GRB14: variants seen among roughly 807,000 people sequenced by gnomAD.
GRB14 encodes the protein growth factor receptor bound protein 14, also known as growth factor receptor-bound protein 14.
A neutral mutation model predicts 69.1 loss-of-function variants in GRB14; 38 were observed. The observed-to-expected ratio is 0.55, with a 90% CI of 0.42 to 0.72. The LOEUF (loss-of-function observed/expected upper bound fraction) is 0.72, where lower values mean the gene tolerates loss of function less well. GRB14 is among the 30% of genes least tolerant of loss of function. The pLI, the probability that GRB14 is intolerant of heterozygous loss-of-function variation, is 0.00. For missense variants in GRB14, 666 were observed against 666.1 expected, an observed-to-expected ratio of 1.00 and a Z score of 0.00; for synonymous variants, 247 against 241.3, an observed-to-expected ratio of 1.02 and a Z score of -0.22.
chr2:164,514,953 T>C (rs1369768291), intron 6 of GRB14, among the ~76,000 whole-genome samples: 1 of 152,120 alleles, frequency 6.6e-6, no homozygotes, highest in Non-Finnish European at 1.5e-5. Context: ...ACCACTTCTC[T>C]GGTAACCTGT....
At chr2:164,497,708 G>C (rs905534248) in intron 9 of GRB14, among the ~76,000 whole-genome samples, 9 of 152,070 alleles carry the variant, frequency 5.9e-5, no homozygotes, top group Non-Finnish European at 1.2e-4. Context: ...TGTTAAAAAA[G>C]CTAAATAGTA....
At chr2:164,533,818 C>T (rs577159666) in intron 3 of GRB14, among the ~76,000 whole-genome samples, 24 of 152,148 alleles carry the variant, frequency 1.6e-4, no homozygotes, top group African/African-American at 5.1e-4. Flanking sequence ...AAAGAACTAG[C>T]GTAATGTGTA....
chr2:164,492,905 C>G lies in GRB14; in HGVS notation c.*131G>C. On this transcript the variant is annotated 3_prime_UTR_variant, in exon 14 of 14. Coordinates refer to ENST00000263915, the MANE Select transcript of GRB14 (RefSeq NM_004490.3). Reference sequence around the variant, plus strand: ...TCTTTGCTTATTTGCAATGCACAAACTATTTTTTTGTAACTTGCAGGTGAA... The same window carrying G: ...TCTTTGCTTATTTGCAATGCACAAAGTATTTTTTTGTAACTTGCAGGTGAA... 1.3e-6 allele frequency: 1 copy of G among 756,084 alleles called. No individual in the cohort carries two copies. Among genetic ancestry groups the G allele is most frequent in the Non-Finnish European group, 2.0e-6 (1 of 491,840 alleles). The allele number at this position is 756,084 out of a possible 1,614,324, so 46.8% of individuals were successfully genotyped here.
chr2:164,525,649 C>G (rs779570211), intron 4 of GRB14, among the ~76,000 whole-genome samples: 1 of 151,966 alleles, frequency 6.6e-6, no homozygotes, highest in African/African-American at 2.4e-5. Flanking sequence ...TCAGTAGATC[C>G]GGGCAAGTCC....
chr2:164,496,250 T>C (rs1686890430), intron 12 of GRB14, among the ~76,000 whole-genome samples: 1 of 152,220 alleles, frequency 6.6e-6, no homozygotes, highest in East Asian at 1.9e-4. Context: ...AAATTGATAA[T>C]GATTTCATTA....
chr2:164,581,948 T>C (rs1689416991), intron 2 of GRB14, among the ~76,000 whole-genome samples: 1 of 152,222 alleles, frequency 6.6e-6, no homozygotes, highest in African/African-American at 2.4e-5. Context: ...ATTCTACTTG[T>C]CCTTCAGCAT....
chr2:164,615,054 T>C (rs1315020731), intron 2 of GRB14, among the ~76,000 whole-genome samples: 2 of 152,120 alleles, frequency 1.3e-5, no homozygotes, highest in Non-Finnish European at 1.5e-5. Flanking sequence ...AGAAACAGTG[T>C]GGTAAGGGAC....
chr2:164,547,549 G>T (rs1688411410), intron 3 of GRB14, 111 bp downstream of exon 3: 2 of 813,668 alleles, frequency 2.5e-6, no homozygotes, highest in African/African-American at 1.7e-5. Context: ...TCACCTACAA[G>T]ATATAGAAAA....
At chr2:164,514,142 T>C (rs1470854511) in intron 6 of GRB14, among the ~76,000 whole-genome samples, 1 of 152,172 alleles carries the variant, frequency 6.6e-6, no homozygotes, top group Non-Finnish European at 1.5e-5. Context: ...GAATTTACAA[T>C]GTATGTAAGG....
chr2:164,508,439 C>T lies in GRB14; in HGVS notation c.1023+16G>A. The stretch of plus-strand genomic sequence containing the variant: ...TCACAGCAGTTAATAGAAATTCATG[C>T]CTCCGGCGAGATTACCTTAAGCAAT... On this transcript the variant is annotated intron_variant, in intron 8 of 13. Transcript: ENST00000263915. 1 of 1,603,070 alleles carries T rather than the reference C, an allele frequency of 6.2e-7. No individual in the cohort carries two copies. The highest frequency in any genetic ancestry group is 8.5e-7 in the Non-Finnish European group (1 of 1,170,274).
At chr2:164,584,159 T>A (rs1689480767) in intron 2 of GRB14, among the ~76,000 whole-genome samples, 1 of 134,902 alleles carries the variant, frequency 7.4e-6, no homozygotes, top group South Asian at 2.6e-4. Context: ...TTTTTTTTTT[T>A]TTTTTTTTTT....
At chr2:164,588,356 G>A (rs1040478912) in intron 2 of GRB14, among the ~76,000 whole-genome samples, 1 of 152,136 alleles carries the variant, frequency 6.6e-6, no homozygotes, top group African/African-American at 2.4e-5. Flanking sequence ...AGCAGATTGA[G>A]TAGAACAACT....
chr2:164,572,896 CA>C (rs1030451451), intron 2 of GRB14, among the ~76,000 whole-genome samples: 2 of 152,218 alleles, frequency 1.3e-5, no homozygotes, highest in Non-Finnish European at 2.9e-5. Flanking sequence ...CTGCCTCACA[CA>C]AAATACAACT....
chr2:164,572,387 C>T (rs1173267332), intron 2 of GRB14, among the ~76,000 whole-genome samples: 1 of 152,166 alleles, frequency 6.6e-6, no homozygotes, highest in African/African-American at 2.4e-5. Flanking sequence ...ACAATGAAGG[C>T]CCAAGGCCAG....
intron 3 of GRB14, among the ~76,000 whole-genome samples, chr2:164,538,396 TCTTA>T (rs1046216190): frequency 1.3e-5 from 2 of 152,152 alleles, no homozygotes; most frequent in African/African-American, 4.8e-5. Context: ...CCCACCCTAC[TCTTA>T]CATTGATTAT....
chr2:164,547,720 T>C lies in GRB14; in HGVS notation c.421A>G (p.Asn141Asp), dbSNP rs1688417291. The C allele has an allele frequency of 6.2e-7, 1 of 1,613,822 alleles. No individual in the cohort carries two copies. The highest frequency in any genetic ancestry group is 2.2e-5 in the East Asian group (1 of 44,848). The part of the protein sequence containing the change: ...RDVCQLLILK[N>D]HYIDDHSWTL... ...CAGCTGTGGTCATCAATGTAATGAT[T>C]CTTCAGGATCAACAGCTGACAAACA... is the stretch of plus-strand genomic sequence containing the variant. The change falls in exon 3 of 14, where the codon AAT (asparagine) becomes GAT (aspartate). Residue 141 changes from asparagine to aspartate, a missense_variant. Coordinates refer to ENST00000263915, the MANE Select transcript of GRB14 (RefSeq NM_004490.3).
At chr2:164,499,315 C>A (rs1444684680) in intron 9 of GRB14, among the ~76,000 whole-genome samples, 1 of 152,046 alleles carries the variant, frequency 6.6e-6, no homozygotes, top group Non-Finnish European at 1.5e-5. Context: ...AAGAAGACGA[C>A]ACTACAAATA....
intron 2 of GRB14, among the ~76,000 whole-genome samples, chr2:164,610,146 A>C (rs1232033303): frequency 6.6e-6 from 1 of 152,204 alleles, no homozygotes; most frequent in Admixed American, 6.5e-5. Flanking sequence ...GTATTTTCAA[A>C]GGGTATATGT....
rs560680416 is a variant in GRB14 at position 164,551,760 on chromosome 2, C to A, written c.325-3944G>T. On this transcript the variant is annotated intron_variant, in intron 2 of 13. Coordinates refer to ENST00000263915, the MANE Select transcript of GRB14 (RefSeq NM_004490.3). ...CCTGACTGTCCAAGGGTTCATAATG[C>A]GCCTCTTTTATGTGCTCTCATTTTG... Among the ~76,000 whole-genome samples the A allele has an allele frequency of 5.3e-5, 8 of 152,258 alleles. No individual in the cohort carries two copies. In the East Asian group the frequency reaches 1.3e-3, roughly 26 times the overall value.
Sources: gnomAD v4.1 joint callset for allele counts (sites outside exome capture counted in the v4.1 genomes callset) on GRCh38, gnomAD v4.1.1 for gene constraint, MANE v1.5 for transcripts, NCBI Gene and HGNC (gene_info 2026-07-23, HGNC 2026-07-21) for gene names.